The following SNU13 variants were observed in gnomAD, a reference collection of about 807,000 sequenced individuals.
SNU13 encodes the protein NHP2-like protein 1.
A neutral mutation model predicts 12.4 loss-of-function variants in SNU13; 2 were observed. That is an observed-to-expected ratio of 0.16 (90% CI 0.07 to 0.51). The LOEUF (loss-of-function observed/expected upper bound fraction) is 0.51, where lower values mean the gene tolerates loss of function less well. Among genes scored for constraint, SNU13 ranks in the 20% least tolerant of loss-of-function variants. SNU13 has a pLI of 0.96. For synonymous variants in SNU13, 68 were observed against 66.5 expected (o/e 1.02, Z -0.11); for missense variants, 66 against 157.8 (o/e 0.42, Z 3.12).
intron 1 of SNU13, chr22:41,682,436 A>G: frequency 1.7e-5 from 28 of 1,610,866 alleles, no homozygotes; most frequent in Non-Finnish European, 2.4e-5. Context: ...GCTGCCCAGC[A>G]CCGCAAGGAC....
chr22:41,680,893 C>T (rs192288449), intron 1 of SNU13, among the ~76,000 whole-genome samples: 95 of 152,248 alleles, frequency 6.2e-4, no homozygotes, highest in African/African-American at 2.1e-3. Flanking sequence ...AGGGTTTCAC[C>T]GTGTTGGCCA....
intron 2 of SNU13, 106 bp downstream of exon 2, chr22:41,680,138 A>C: frequency 7.5e-7 from 1 of 1,342,056 alleles, no homozygotes; most frequent in South Asian, 1.9e-5. Context: ...CACTGGTTGT[A>C]GTCGAGAGCA....
intron 1 of SNU13, among the ~76,000 whole-genome samples, chr22:41,683,269 G>A (rs1427163604): frequency 6.6e-6 from 1 of 152,184 alleles, no homozygotes; most frequent in East Asian, 1.9e-4. Flanking sequence ...CAAAGTGTTG[G>A]GATTACAGGC....
intron 1 of SNU13, among the ~76,000 whole-genome samples, chr22:41,684,926 G>A (rs943610228): frequency 6.2e-4 from 95 of 152,222 alleles, no homozygotes; most frequent in African/African-American, 2.2e-3. Context: ...AGGCCAAGGT[G>A]GGTGGCTCTC....
chr22:41,678,421 A>C (rs1236204952), intron 2 of SNU13, among the ~76,000 whole-genome samples: 1 of 152,204 alleles, frequency 6.6e-6, no homozygotes, highest in Non-Finnish European at 1.5e-5. Flanking sequence ...CAATCAATAA[A>C]TATGGCAAGA....
At chr22:41,689,064 C>G, upstream of SNU13, 1 of 1,213,944 alleles carries the variant, frequency 8.2e-7, no homozygotes, top group Non-Finnish European at 1.0e-6. Flanking sequence ...ATTAAACATT[C>G]AAAAAGTAAC....
chr22:41,690,000 C>T (rs2068347370), upstream of SNU13, among the ~76,000 whole-genome samples: 1 of 151,708 alleles, frequency 6.6e-6, no homozygotes, highest in African/African-American at 2.4e-5. Flanking sequence ...AAAAAAATTC[C>T]AGCCACTAAA....
intron 1 of SNU13, among the ~76,000 whole-genome samples, chr22:41,686,572 T>A (rs1471221920): frequency 6.6e-6 from 1 of 151,776 alleles, no homozygotes. Flanking sequence ...AGTGCTGGGA[T>A]TACAGGTGTG....
chr22:41,680,808 C>A (rs2068257355), intron 1 of SNU13, among the ~76,000 whole-genome samples: 1 of 152,184 alleles, frequency 6.6e-6, no homozygotes, highest in African/African-American at 2.4e-5. Context: ...GATTCTTGTG[C>A]CTCAGCCTCC....
intron 2 of SNU13, chr22:41,679,579 A>T (rs558565532): frequency 6.6e-6 from 1 of 151,988 alleles, no homozygotes; most frequent in East Asian, 1.9e-4. Context: ...TAAATAAATA[A>T]AATAAAATTA....
intron 1 of SNU13, among the ~76,000 whole-genome samples, chr22:41,682,904 C>A (rs1455239710): frequency 6.6e-6 from 1 of 152,210 alleles, no homozygotes; most frequent in East Asian, 1.9e-4. Context: ...CTGCCTCAGC[C>A]TCCCAAAGTG....
intron 2 of SNU13, among the ~76,000 whole-genome samples, chr22:41,677,842 G>A (rs1186709220): frequency 6.6e-6 from 1 of 151,942 alleles, no homozygotes; most frequent in East Asian, 1.9e-4. Context: ...GCCCAAAAAC[G>A]TTTCTTTCCA....
At chr22:41,679,732 A>G (rs2068246315) in intron 2 of SNU13, 1 of 151,958 alleles carries the variant, frequency 6.6e-6, no homozygotes, top group Admixed American at 6.6e-5. Context: ...AGCAGTACAT[A>G]TACTAAAATT....
At chr22:41,690,422 A>C (rs536842797), upstream of SNU13, 1 of 719,376 alleles carries the variant, frequency 1.4e-6, no homozygotes, top group African/African-American at 1.7e-5. Flanking sequence ...CAATTCCCCA[A>C]TACTGTCCTT....
At chr22:41,681,965 G>A (rs1458722585) in intron 1 of SNU13, among the ~76,000 whole-genome samples, 1 of 148,220 alleles carries the variant, frequency 6.7e-6, no homozygotes, top group East Asian at 2.0e-4. Flanking sequence ...CACTGCTCCA[G>A]TAAATCATTT....
rs1217914095 is a variant in SNU13 at position 41,674,728 on chromosome 22, A to G, written c.*205T>C. The G allele has an allele frequency of 6.2e-6, 4 of 642,784 alleles. No individual in the cohort carries two copies. Among genetic ancestry groups the G allele is most frequent in the Non-Finnish European group, 1.0e-5 (4 of 386,332 alleles). 39.8% of individuals were successfully genotyped at this position (642,784 alleles called of 1,614,324 possible). A position where few individuals can be genotyped will look rare whatever the true frequency, so the allele number is the denominator to read the frequency against. The stretch of plus-strand genomic sequence containing the variant: ...CCAAAAAGGGAGGATAAAAGGATGA[A>G]GGATGGCAGAGGGAGGGAGGAAAGG... On this transcript the variant is annotated 3_prime_UTR_variant, in exon 3 of 3. Transcript: ENST00000401959.
chr22:41,685,621 G>C (rs918411537), intron 1 of SNU13, among the ~76,000 whole-genome samples: 3 of 151,152 alleles, frequency 2.0e-5, no homozygotes, highest in African/African-American at 7.3e-5. Flanking sequence ...CAAAGCGCTG[G>C]GTTTACAGGC....
chr22:41,680,196 A>T lies in SNU13; in HGVS notation c.124+48T>A, dbSNP rs1329909442. 3.2e-6 allele frequency: 5 copies of T among 1,571,334 alleles called. No individual in the cohort carries two copies. In the South Asian group the frequency reaches 5.8e-5, roughly 18 times the overall value. ...AAATCAGATCAGAGGCCCCAGATGG[A>T]AACAGGTGCCTTTAACATTCCCCCA... On this transcript the variant is annotated intron_variant, in intron 2 of 2. Transcript: ENST00000401959.
intron 1 of SNU13, among the ~76,000 whole-genome samples, chr22:41,683,548 A>G (rs931832664): frequency 1.3e-5 from 2 of 152,072 alleles, no homozygotes; most frequent in African/African-American, 2.4e-5. Context: ...GCCCATTTAT[A>G]TATTTTTTAA....
Sources: allele counts gnomAD v4.1 joint callset (sites outside exome capture counted in the v4.1 genomes callset), GRCh38; gene constraint gnomAD v4.1.1; transcripts MANE v1.5; gene names NCBI Gene and HGNC (gene_info 2026-07-23, HGNC 2026-07-21).